Variants in DENND1A observed in about 807,000 individuals in gnomAD.
The protein encoded by DENND1A is DENN domain containing 1A.
Under a neutral mutation model 113.7 loss-of-function variants are expected in DENND1A, and 51 were observed. The ratio of observed to expected loss-of-function variants is 0.45; its 90% CI spans 0.36 to 0.57. The LOEUF is 0.57. Ranked by LOEUF, DENND1A falls within the 20% of genes least tolerant of loss-of-function variation. The pLI, the probability that DENND1A is intolerant of heterozygous loss-of-function variation, is 0.00. For missense variants in DENND1A, 1,258 were observed against 1,395.9 expected, an observed-to-expected ratio of 0.90 and a Z score of 1.57; for synonymous variants, 565 against 570.8, an observed-to-expected ratio of 0.99 and a Z score of 0.14.
At chr9:123,546,813 C>T (rs2056732058) in intron 13 of DENND1A, among the ~76,000 whole-genome samples, 1 of 152,190 alleles carries the variant, frequency 6.6e-6, no homozygotes. Context: ...TAGAATTCCT[C>T]CAGGATGGTG....
chr9:123,423,379 G>A (rs185841523), intron 19 of DENND1A, among the ~76,000 whole-genome samples: 3 of 152,144 alleles, frequency 2.0e-5, no homozygotes, highest in Admixed American at 6.6e-5. Flanking sequence ...CCTGCAACTC[G>A]GCGCTCATCA....
At chr9:123,440,572 G>A in intron 18 of DENND1A, 81 bp from the exon 19 acceptor site, 2 of 1,455,152 alleles carry the variant, frequency 1.4e-6, no homozygotes, top group Non-Finnish European at 1.8e-6. Flanking sequence ...GAAGAGGCCT[G>A]CCAGGCGACT....
chr9:123,397,071 C>T (rs1203265425), intron 21 of DENND1A, among the ~76,000 whole-genome samples: 2 of 152,214 alleles, frequency 1.3e-5, no homozygotes, highest in Non-Finnish European at 2.9e-5. Context: ...AGACCTCCCC[C>T]TACATATTTC....
chr9:123,628,989 T>A (rs7862469), intron 10 of DENND1A, among the ~76,000 whole-genome samples: 1 of 151,996 alleles, frequency 6.6e-6, no homozygotes, highest in Non-Finnish European at 1.5e-5. Context: ...TCACATGATG[T>A]CCCTGAGTTA....
At chr9:123,651,083 A>G (rs948782496) in intron 9 of DENND1A, among the ~76,000 whole-genome samples, 1 of 151,944 alleles carries the variant, frequency 6.6e-6, no homozygotes, top group African/African-American at 2.4e-5. Flanking sequence ...GAATTTTCAT[A>G]AAAAATATTG....
At chr9:123,580,902 C>A (rs533547353) in intron 12 of DENND1A, among the ~76,000 whole-genome samples, 2 of 152,170 alleles carry the variant, frequency 1.3e-5, no homozygotes, top group Non-Finnish European at 2.9e-5. Flanking sequence ...GCAGCACAGA[C>A]TGGGGGTCCA....
chr9:123,641,375 G>A (rs372513625), intron 9 of DENND1A, among the ~76,000 whole-genome samples: 30 of 148,984 alleles, frequency 2.0e-4, no homozygotes, highest in South Asian at 8.4e-4. Flanking sequence ...TGACTTGACC[G>A]CATTACTAAA....
At chr9:123,678,715 T>A (rs1218174701) in intron 5 of DENND1A, among the ~76,000 whole-genome samples, 2 of 152,244 alleles carry the variant, frequency 1.3e-5, no homozygotes, top group African/African-American at 4.8e-5. Flanking sequence ...TATCAAAATA[T>A]ACTGATAAGC....
intron 2 of DENND1A, among the ~76,000 whole-genome samples, chr9:123,855,339 G>C (rs1484757036): frequency 6.6e-6 from 1 of 150,554 alleles, no homozygotes; most frequent in East Asian, 1.9e-4. Context: ...GGGGAAGCAA[G>C]GGTAGACAGA....
intron 12 of DENND1A, among the ~76,000 whole-genome samples, chr9:123,574,186 T>G (rs2058508618): frequency 6.6e-6 from 1 of 150,594 alleles, no homozygotes; most frequent in African/African-American, 2.4e-5. Context: ...TTTTTTTTTT[T>G]TTTTTGTTTG....
chr9:123,393,757 C>T (rs1174988465), intron 21 of DENND1A, among the ~76,000 whole-genome samples: 2 of 152,202 alleles, frequency 1.3e-5, no homozygotes, highest in Non-Finnish European at 2.9e-5. Context: ...TGAATATCTA[C>T]TTAAAAGCAA....
intron 18 of DENND1A, among the ~76,000 whole-genome samples, chr9:123,449,825 G>A (rs1338709756): frequency 3.3e-5 from 5 of 152,056 alleles, no homozygotes; most frequent in Admixed American, 3.3e-4. Flanking sequence ...TGAGACAATA[G>A]ACTTTGCGGA....
At chr9:123,705,930 C>T (rs1015477626) in intron 5 of DENND1A, among the ~76,000 whole-genome samples, 2 of 152,234 alleles carry the variant, frequency 1.3e-5, no homozygotes, top group Admixed American at 6.5e-5. Flanking sequence ...ATAATATGTA[C>T]CATCCTTGGG....
At chr9:123,524,212 A>G (rs909255116) in intron 13 of DENND1A, among the ~76,000 whole-genome samples, 39 of 152,346 alleles carry the variant, frequency 2.6e-4, no homozygotes, top group South Asian at 2.1e-4. Context: ...GCTCAGAGAT[A>G]CTGAGAATAG....
chr9:123,747,133 T>G lies in DENND1A; in HGVS notation c.302+10570A>C, dbSNP rs777559555. Among the ~76,000 whole-genome samples the G allele has an allele frequency of 2.8e-4, 43 of 152,192 alleles. No homozygotes were observed. In the Middle Eastern group the frequency reaches 0.01, roughly 36 times the overall value. On this transcript the variant is annotated intron_variant, in intron 5 of 23. Coordinates refer to ENST00000394215, the MANE Select transcript of DENND1A (RefSeq NM_001352964.2). ...TTAAAATAAAAAAAAAATCAGTCAG[T>G]CATCCCAAGGAGCTTAGACAACAAA...
At chr9:123,539,425 C>T (rs886635981) in intron 13 of DENND1A, among the ~76,000 whole-genome samples, 2 of 151,750 alleles carry the variant, frequency 1.3e-5, no homozygotes, top group Non-Finnish European at 2.9e-5. Context: ...GAAAAAGTCA[C>T]CTATAGTTTC....
At chr9:123,917,711 A>G (rs952124562) in intron 1 of DENND1A, among the ~76,000 whole-genome samples, 9 of 152,050 alleles carry the variant, frequency 5.9e-5, no homozygotes, top group Admixed American at 2.6e-4. Context: ...TTTCCCACCA[A>G]AAGGAACCAG....
intron 5 of DENND1A, among the ~76,000 whole-genome samples, chr9:123,711,076 TAA>T (rs902416920): frequency 3.9e-5 from 6 of 152,300 alleles, no homozygotes; most frequent in African/African-American, 1.2e-4. Context: ...ATTATATTGA[TAA>T]GTTAAATAGC....
In DENND1A at chr9:123,583,215, G is replaced by C. The variant is rs769812060; in HGVS notation, c.821C>G (p.Thr274Ser). 2 of 1,612,998 alleles carry C rather than the reference G, an allele frequency of 1.2e-6. No individual in the cohort carries two copies. The highest frequency in any genetic ancestry group is 1.7e-6 in the Non-Finnish European group (2 of 1,179,446). ...DVVILNVDTN[T>S]LETPFDDLQS... The stretch of plus-strand genomic sequence containing the variant: ...GAGGTCATCGAAGGGGGTTTCCAGG[G>C]TGTTGGTGTCCACATTCAGGATCAC... The change falls in exon 12 of 24, where the codon ACC (threonine) becomes AGC (serine). Residue 274 changes from threonine (T) to serine (S), a missense_variant. By Grantham distance (58) the Thr-to-Ser change is moderately conservative. Coordinates refer to ENST00000394215, the MANE Select transcript of DENND1A (RefSeq NM_001352964.2).
Sources: gnomAD v4.1 joint callset for allele counts (sites outside exome capture counted in the v4.1 genomes callset) on GRCh38, gnomAD v4.1.1 for gene constraint, MANE v1.5 for transcripts, NCBI Gene and HGNC (gene_info 2026-07-23, HGNC 2026-07-21) for gene names.